Variants in TMTC1 observed in about 807,000 individuals in gnomAD.
The protein encoded by TMTC1 is transmembrane O-mannosyltransferase targeting cadherins 1, also known as protein O-mannosyl-transferase TMTC1.
Under a neutral mutation model 104.8 loss-of-function variants are expected in TMTC1, and 73 were observed. The observed-to-expected ratio is 0.70, with a 90% CI of 0.58 to 0.85. The LOEUF (loss-of-function observed/expected upper bound fraction) is 0.85, where lower values mean the gene tolerates loss of function less well. TMTC1 is among the 40% of genes least tolerant of loss of function. The pLI is 0.00. For missense variants in TMTC1, 1,035 were observed against 1,096.1 expected (o/e 0.94, Z 0.79); for synonymous variants, 434 against 428.7 (o/e 1.01, Z -0.15).
intron 6 of TMTC1, among the ~76,000 whole-genome samples, chr12:29,626,590 A>G (rs1392402658): frequency 6.6e-6 from 1 of 152,222 alleles, no homozygotes; most frequent in African/African-American, 2.4e-5. Flanking sequence ...GGATAAGCAC[A>G]TGCAAAAGAA....
intron 2 of TMTC1, among the ~76,000 whole-genome samples, chr12:29,767,368 G>C (rs1943490519): frequency 6.6e-6 from 1 of 152,166 alleles, no homozygotes; most frequent in South Asian, 2.1e-4. Flanking sequence ...AAGAATGTCA[G>C]TCTAATTTTT....
At chr12:29,535,231 T>C (rs1178024887) in intron 11 of TMTC1, 1 of 152,252 alleles carries the variant, frequency 6.6e-6, no homozygotes, top group Non-Finnish European at 1.5e-5. Flanking sequence ...TGCCAGTGTA[T>C]AGCACAGACA....
At chr12:29,543,756 G>T (rs1424035016) in intron 10 of TMTC1, among the ~76,000 whole-genome samples, 1 of 152,108 alleles carries the variant, frequency 6.6e-6, no homozygotes, top group African/African-American at 2.4e-5. Flanking sequence ...TGTACAGAAA[G>T]AAAAGAAAAT....
intron 6 of TMTC1, 123 bp from the exon 7 acceptor site, chr12:29,604,422 C>G: frequency 7.5e-7 from 1 of 1,337,518 alleles, no homozygotes; most frequent in South Asian, 1.4e-5. Context: ...CCAATATAAA[C>G]CTTTTGACCG....
At chr12:29,706,482 C>A (rs1217688327) in intron 5 of TMTC1, among the ~76,000 whole-genome samples, 2 of 152,146 alleles carry the variant, frequency 1.3e-5, no homozygotes, top group Non-Finnish European at 2.9e-5. Context: ...CCTGAATGAG[C>A]CACAATGCTA....
intron 6 of TMTC1, among the ~76,000 whole-genome samples, chr12:29,623,075 A>G (rs1206545366): frequency 6.6e-6 from 1 of 152,216 alleles, no homozygotes; most frequent in African/African-American, 2.4e-5. Flanking sequence ...TTACCCATAG[A>G]AACAGTTCAA....
intron 5 of TMTC1, among the ~76,000 whole-genome samples, chr12:29,636,517 T>A (rs1171045572): frequency 6.6e-6 from 1 of 152,122 alleles, no homozygotes; most frequent in Admixed American, 6.6e-5. Flanking sequence ...ACATAGTTAT[T>A]TACATGTTAC....
intron 5 of TMTC1, among the ~76,000 whole-genome samples, chr12:29,664,193 ATAAAAAT>A (rs1940178875): frequency 6.6e-6 from 1 of 150,728 alleles, no homozygotes; most frequent in Non-Finnish European, 1.5e-5. Context: ...TCTCAAAAAA[ATAAAAAT>A]AAAAAATAAA....
Position 29,633,052 on chromosome 12 carries a change from A to G in TMTC1, c.1128+95T>C. The stretch of plus-strand genomic sequence containing the variant: ...TTACATAGACAAGGAGAGGAGATTC[A>G]ATTTACACCCAGACCATCCGCACTA... On this transcript the variant is annotated intron_variant, in intron 6 of 17. Transcript: ENST00000539277. 2.5e-6 allele frequency: 3 copies of G among 1,176,780 alleles called. No homozygotes were observed. The Admixed American group carries it at 6.8e-5, about 27-fold the overall frequency. The allele number at this position is 1,176,780 out of a possible 1,614,324, so 72.9% of individuals were successfully genotyped here. A position where few individuals can be genotyped will look rare whatever the true frequency, so the allele number is the denominator to read the frequency against.
chr12:29,571,998 G>A (rs1371241940), intron 9 of TMTC1, 107 bp downstream of exon 9: 2 of 852,856 alleles, frequency 2.3e-6, no homozygotes, highest in Non-Finnish European at 3.8e-6. Flanking sequence ...TCAGTTTACT[G>A]TCAAGAGAAA....
At chr12:29,774,221 T>A (rs1228873960) in intron 1 of TMTC1, among the ~76,000 whole-genome samples, 1 of 152,158 alleles carries the variant, frequency 6.6e-6, no homozygotes, top group Non-Finnish European at 1.5e-5. Flanking sequence ...CAATTGTTGA[T>A]TCTCCGATCC....
intron 5 of TMTC1, among the ~76,000 whole-genome samples, chr12:29,686,919 T>C (rs1243512616): frequency 6.6e-6 from 1 of 152,178 alleles, no homozygotes; most frequent in Non-Finnish European, 1.5e-5. Flanking sequence ...TTTGGAGTTA[T>C]GTAGTATGAT....
At position 29,507,080 on chromosome 12, in the gene TMTC1, TTTACA is replaced by T. The variant is rs1419999595; in HGVS notation, c.2509-99_2509-95del. 15 of 1,043,286 alleles carry T rather than the reference TTTACA, an allele frequency of 1.4e-5. No homozygotes were observed. The East Asian group carries it at 3.1e-4, about 22-fold the overall frequency. The allele number at this position is 1,043,286 out of a possible 1,614,324, so 64.6% of individuals were successfully genotyped here. ...CTAAGAAACTGACCCTCTGCCCAGTTTTACATTAATGTTCTCATATGGAAACTCTG... is the reference window on the plus strand; with the variant it reads ...CTAAGAAACTGACCCTCTGCCCAGTTTTAATGTTCTCATATGGAAACTCTG... On this transcript the variant is annotated intron_variant, in intron 17 of 17. Coordinates refer to ENST00000539277, the MANE Select transcript of TMTC1 (RefSeq NM_001193451.2).
rs779923757 is a variant in TMTC1 at position 29,630,353 on chromosome 12, A to G, written c.1128+2794T>C. ...GCAGGAGACAGAATGAGTGCTGAGCAAAGGGAGAAAAACCCCTAATAAAAC... is the reference window on the plus strand; with the variant it reads ...GCAGGAGACAGAATGAGTGCTGAGCGAAGGGAGAAAAACCCCTAATAAAAC... On this transcript the variant is annotated intron_variant, in intron 6 of 17. Transcript: ENST00000539277. 4.2e-4 allele frequency among the ~76,000 whole-genome samples: 64 copies of G among 152,300 alleles called. 1 individual carries two copies. The highest frequency in any genetic ancestry group is 7.8e-4 in the Non-Finnish European group (53 of 68,030).
chr12:29,539,905 A>T (rs1292817032), intron 10 of TMTC1, among the ~76,000 whole-genome samples: 4 of 152,162 alleles, frequency 2.6e-5, no homozygotes, highest in Non-Finnish European at 5.9e-5. Context: ...TGTTCTTCCC[A>T]CACCACTTCA....
intron 2 of TMTC1, among the ~76,000 whole-genome samples, chr12:29,765,770 C>G (rs1040209614): frequency 8.5e-5 from 13 of 152,156 alleles, no homozygotes; most frequent in African/African-American, 2.7e-4. Flanking sequence ...TAGACTATGA[C>G]AGCAGGTACC....
Position 29,662,511 on chromosome 12 carries a change from G to T in TMTC1, c.939-29175C>A, listed in dbSNP as rs369074198. On this transcript the variant is annotated intron_variant, in intron 5 of 17. Transcript: ENST00000539277. ...TTAAAAATACAAAAATTAGCCAGGCGTGGTGGCAGACACCTGTAGTCCCAG... is the reference window on the plus strand; with the variant it reads ...TTAAAAATACAAAAATTAGCCAGGCTTGGTGGCAGACACCTGTAGTCCCAG... Among the ~76,000 whole-genome samples, 6 of 151,742 alleles carry T rather than the reference G, an allele frequency of 4.0e-5. No individual in the cohort carries two copies. The South Asian group carries it at 6.2e-4, about 16-fold the overall frequency.
At chr12:29,536,081 GA>G (rs1944634097) in intron 11 of TMTC1, 127 bp downstream of exon 11, 1 of 675,120 alleles carries the variant, frequency 1.5e-6, no homozygotes, top group Non-Finnish European at 2.6e-6. Flanking sequence ...CTGTCCAAAA[GA>G]AACTGACATA....
chr12:29,578,906 G>T (rs1945898983), intron 8 of TMTC1, among the ~76,000 whole-genome samples: 1 of 152,174 alleles, frequency 6.6e-6, no homozygotes, highest in Admixed American at 6.5e-5. Context: ...ACACAGGATG[G>T]ATAGTACTTA....
Sources: allele counts gnomAD v4.1 joint callset (sites outside exome capture counted in the v4.1 genomes callset), GRCh38; gene constraint gnomAD v4.1.1; transcripts MANE v1.5; gene names NCBI Gene and HGNC (gene_info 2026-07-23, HGNC 2026-07-21).